LSM14A: variants seen among roughly 807,000 people sequenced by gnomAD.
LSM14A encodes protein LSM14 homolog A.
Under a neutral mutation model 52.4 loss-of-function variants are expected in LSM14A, and 14 were observed. That is an observed-to-expected ratio of 0.27 (90% CI 0.18 to 0.42). The LOEUF (loss-of-function observed/expected upper bound fraction) is 0.42. Ranked by LOEUF, LSM14A falls within the 10% of genes least tolerant of loss-of-function variation. The pLI is 1.00. For missense variants in LSM14A, 417 were observed against 581.8 expected, an observed-to-expected ratio of 0.72 and a Z score of 2.91; for synonymous variants, 185 against 200.3, an observed-to-expected ratio of 0.92 and a Z score of 0.64.
At chr19:34,214,251 G>C (rs899423899) in intron 4 of LSM14A, among the ~76,000 whole-genome samples, 1 of 151,750 alleles carries the variant, frequency 6.6e-6, no homozygotes, top group Non-Finnish European at 1.5e-5. Flanking sequence ...AGCCCCTAAA[G>C]CATTAAAGAA....
In LSM14A at chr19:34,225,596, A is replaced by G. The variant is rs140540959; in HGVS notation, c.1369-1769A>G. Among the ~76,000 whole-genome samples, 1,134 of 152,312 alleles carry G rather than the reference A, an allele frequency of 7.4e-3. 14 individuals carry two copies. Among genetic ancestry groups the G allele is most frequent in the African/African-American group, 0.025 (1,043 of 41,550 alleles). ...AAAACATGGGTAAAGATAAAATCAT[A>G]AAGTTTTAGAATCCTTAAAAGAATC... On this transcript the variant is annotated intron_variant, in intron 9 of 9. Coordinates refer to ENST00000544216, the MANE Select transcript of LSM14A (RefSeq NM_015578.4).
intron 3 of LSM14A, among the ~76,000 whole-genome samples, chr19:34,204,621 G>A (rs906538550): frequency 1.3e-5 from 2 of 152,062 alleles, no homozygotes; most frequent in African/African-American, 2.4e-5. Flanking sequence ...AGGAGGCTGG[G>A]GTGGGAGACT....
intron 4 of LSM14A, among the ~76,000 whole-genome samples, chr19:34,213,308 G>T (rs1318009310): frequency 6.6e-6 from 1 of 152,198 alleles, no homozygotes; most frequent in African/African-American, 2.4e-5. Flanking sequence ...ATGTTAAGTA[G>T]ATTGTGCCTG....
chr19:34,200,284 C>T (rs1008260300), intron 3 of LSM14A, among the ~76,000 whole-genome samples: 4 of 152,220 alleles, frequency 2.6e-5, no homozygotes, highest in East Asian at 1.9e-4. Flanking sequence ...AATATAGAAT[C>T]GAATACTGGG....
At position 34,229,230 on chromosome 19, in the gene LSM14A, C is replaced by A. The variant is rs533489951; in HGVS notation, c.*1842C>A. On this transcript the variant is annotated 3_prime_UTR_variant, in exon 10 of 10. Coordinates refer to ENST00000544216, the MANE Select transcript of LSM14A (RefSeq NM_015578.4). Reference sequence around the variant, plus strand: ...GCAGCATGGCATACCTGCAGTACCCCTTACAATATTAAAGCAAAGTTTTTA... The same window carrying A: ...GCAGCATGGCATACCTGCAGTACCCATTACAATATTAAAGCAAAGTTTTTA... 6.6e-6 allele frequency: 1 copy of A among 152,296 alleles called. No individual in the cohort carries two copies. Among genetic ancestry groups the A allele is most frequent in the Non-Finnish European group, 1.5e-5 (1 of 68,028 alleles). 9.4% of individuals were successfully genotyped at this position (152,296 alleles called of 1,614,324 possible). A position where few individuals can be genotyped will look rare whatever the true frequency, so the allele number is the denominator to read the frequency against.
intron 3 of LSM14A, among the ~76,000 whole-genome samples, chr19:34,201,103 G>T (rs904277510): frequency 6.6e-6 from 1 of 152,118 alleles, no homozygotes; most frequent in African/African-American, 2.4e-5. Context: ...TAATATTATT[G>T]TGGGTTGTTG....
intron 1 of LSM14A, among the ~76,000 whole-genome samples, chr19:34,179,690 G>C (rs2069337106): frequency 6.6e-6 from 1 of 152,062 alleles, no homozygotes; most frequent in South Asian, 2.1e-4. Context: ...AAAAAAAATA[G>C]TAGAAGGAAG....
At chr19:34,196,784 CTTTTT>C in intron 3 of LSM14A, 21 bp downstream of exon 3, 1 of 1,581,284 alleles carries the variant, frequency 6.3e-7, no homozygotes, top group Non-Finnish European at 8.5e-7. Context: ...TTTTTCTTTT[CTTTTT>C]TTGTTTTTGT....
Position 34,172,761 on chromosome 19 carries a change from A to G in LSM14A, c.119A>G (p.Lys40Arg), listed in dbSNP as rs1334140804. The G allele has an allele frequency of 1.3e-6, 2 of 1,568,742 alleles. No individual in the cohort carries two copies. Among genetic ancestry groups the G allele is most frequent in the Non-Finnish European group, 8.6e-7 (1 of 1,159,638 alleles). ...GAAAACTCCACCGTAGCCCTTGCCA[A>G]AGGTACGCGGGACCGGGCCTCAGGG... is the stretch of plus-strand genomic sequence containing the variant. ...DTENSTVALAKVRSFGTEDRP... is the reference protein window; with the variant it reads ...DTENSTVALARVRSFGTEDRP... The change falls in exon 1 of 10, where the codon AAA (lysine) becomes AGA (arginine). Residue 40 changes from lysine to arginine, a missense_variant and splice_region_variant. Coordinates refer to ENST00000544216, the MANE Select transcript of LSM14A (RefSeq NM_015578.4).
intron 1 of LSM14A, among the ~76,000 whole-genome samples, chr19:34,178,205 T>C (rs1420824890): frequency 6.6e-6 from 1 of 152,126 alleles, no homozygotes; most frequent in African/African-American, 2.4e-5. Context: ...CTGTTTTCTC[T>C]TTTGAAAATG....
At chr19:34,188,554 A>G (rs1043589675) in intron 1 of LSM14A, among the ~76,000 whole-genome samples, 2 of 152,314 alleles carry the variant, frequency 1.3e-5, no homozygotes, top group East Asian at 3.9e-4. Context: ...ACCTCTCCTT[A>G]GTTTCAAAAC....
At chr19:34,221,914 A>G in intron 9 of LSM14A, 176 bp downstream of exon 9, 1 of 1,286,308 alleles carries the variant, frequency 7.8e-7, no homozygotes, top group Non-Finnish European at 1.0e-6. Context: ...ACATTATACA[A>G]AAAAAGACAG....
chr19:34,193,241 C>A (rs1301108184), intron 1 of LSM14A, among the ~76,000 whole-genome samples: 2 of 152,226 alleles, frequency 1.3e-5, no homozygotes, highest in African/African-American at 4.8e-5. Context: ...CAGCCTCAAT[C>A]TCCCAGGCTC....
intron 1 of LSM14A, among the ~76,000 whole-genome samples, chr19:34,178,386 G>A (rs1220897374): frequency 6.6e-6 from 1 of 152,166 alleles, no homozygotes; most frequent in Non-Finnish European, 1.5e-5. Flanking sequence ...CTAAGCATAT[G>A]TCAAGAAGTC....
intron 1 of LSM14A, among the ~76,000 whole-genome samples, chr19:34,185,292 C>G (rs896533899): frequency 5.3e-5 from 8 of 152,006 alleles, no homozygotes; most frequent in African/African-American, 1.9e-4. Flanking sequence ...GTGAGGTGAT[C>G]GAGAATATTG....
intron 1 of LSM14A, among the ~76,000 whole-genome samples, chr19:34,192,317 T>TTG (rs1491380780): frequency 1.5e-5 from 1 of 64,686 alleles, no homozygotes; most frequent in African/African-American, 6.7e-5. Flanking sequence ...ATTCTTTTTG[T>TTG]TGTTTTTTTT....
chr19:34,225,796 G>T (rs936826329), intron 9 of LSM14A, among the ~76,000 whole-genome samples: 4 of 152,134 alleles, frequency 2.6e-5, no homozygotes, highest in Admixed American at 2.0e-4. Context: ...CCAGTGCAAT[G>T]GTGTACACAT....
At chr19:34,185,129 C>G (rs532329578) in intron 1 of LSM14A, among the ~76,000 whole-genome samples, 20 of 152,098 alleles carry the variant, frequency 1.3e-4, no homozygotes, top group Non-Finnish European at 2.6e-4. Context: ...GGGGTTTTTT[C>G]AGTCGAAGAT....
chr19:34,219,598 A>G (rs375060153), intron 7 of LSM14A, 25 bp downstream of exon 7: 2 of 1,594,014 alleles, frequency 1.3e-6, no homozygotes, highest in Non-Finnish European at 1.7e-6. Flanking sequence ...TTCTTTTCAG[A>G]AAATAATCTT....
Sources: allele counts gnomAD v4.1 joint callset (sites outside exome capture counted in the v4.1 genomes callset), GRCh38; gene constraint gnomAD v4.1.1; transcripts MANE v1.5; gene names NCBI Gene and HGNC (gene_info 2026-07-23, HGNC 2026-07-21).